EEF2K: variants seen among roughly 807,000 people sequenced by gnomAD.
The protein encoded by EEF2K is alternative protein EEF2K.
In EEF2K, 70 loss-of-function variants were observed where a neutral mutation model predicts 93.8. The observed-to-expected ratio is 0.75, with a 90% CI of 0.62 to 0.91. EEF2K has a LOEUF of 0.91. Among genes scored for constraint, EEF2K ranks in the 40% least tolerant of loss-of-function variants. EEF2K has a pLI of 0.00. For synonymous variants in EEF2K, 376 were observed against 380.8 expected (o/e 0.99, Z 0.15); for missense variants, 935 against 972.9 (o/e 0.96, Z 0.52).
At chr16:22,274,171 G>C (rs1334383555) in intron 16 of EEF2K, among the ~76,000 whole-genome samples, 1 of 152,100 alleles carries the variant, frequency 6.6e-6, no homozygotes, top group Non-Finnish European at 1.5e-5. Flanking sequence ...GGCCGGGCAT[G>C]GTGGCTCACG....
At chr16:22,245,854 G>T (rs764686442) in intron 3 of EEF2K, among the ~76,000 whole-genome samples, 4 of 152,026 alleles carry the variant, frequency 2.6e-5, no homozygotes, top group Non-Finnish European at 4.4e-5. Flanking sequence ...AATGTGTGGC[G>T]GTTTCTCCCC....
At chr16:22,227,240 AT>A (rs1217409624) in intron 2 of EEF2K, among the ~76,000 whole-genome samples, 1 of 152,152 alleles carries the variant, frequency 6.6e-6, no homozygotes, top group Admixed American at 6.5e-5. Flanking sequence ...TATTCATTTT[AT>A]TTTTTTGTAT....
At chr16:22,275,743 T>C (rs2047628250) in intron 16 of EEF2K, among the ~76,000 whole-genome samples, 1 of 151,568 alleles carries the variant, frequency 6.6e-6, no homozygotes, top group African/African-American at 2.4e-5. Context: ...CAGGTTCAAG[T>C]GATTCTCCTG....
rs200908306 is a variant in EEF2K at position 22,266,684 on chromosome 16, G to A, written c.1576-4G>A. 3.7e-6 allele frequency: 6 copies of A among 1,605,476 alleles called. No homozygotes were observed. On this transcript the variant is annotated splice_polypyrimidine_tract_variant and splice_region_variant and intron_variant, in intron 14 of 17. Transcript: ENST00000263026. Reference sequence around the variant, plus strand: ...CCAGGCCGACACCGTAGTCTGTGTGGCAGGTCCATCTGGCCATGGTGCGCT... The same window carrying A: ...CCAGGCCGACACCGTAGTCTGTGTGACAGGTCCATCTGGCCATGGTGCGCT...
chr16:22,274,600 C>T (rs1238934385), intron 16 of EEF2K, among the ~76,000 whole-genome samples: 1 of 152,004 alleles, frequency 6.6e-6, no homozygotes, highest in African/African-American at 2.4e-5. Context: ...TTTTAATTGA[C>T]TTTTCCTACT....
chr16:22,256,487 A>G (rs2141673296), intron 6 of EEF2K, among the ~76,000 whole-genome samples: 1 of 152,230 alleles, frequency 6.6e-6, no homozygotes, highest in South Asian at 2.1e-4. Context: ...CACCTGCCTC[A>G]GCCTCCCAAA....
intron 16 of EEF2K, 136 bp from the exon 17 acceptor site, chr16:22,280,062 T>G: frequency 1.3e-6 from 1 of 756,810 alleles, no homozygotes; most frequent in Non-Finnish European, 1.9e-6. Context: ...TGTATTGGCC[T>G]TGGACAAGAT....
chr16:22,209,565 A>T (rs1457299407), intron 1 of EEF2K, among the ~76,000 whole-genome samples: 3 of 152,250 alleles, frequency 2.0e-5, no homozygotes, highest in Non-Finnish European at 4.4e-5. Context: ...AGACAAAGTA[A>T]TAGCGGCAGG....
chr16:22,250,562 G>A, intron 4 of EEF2K, 92 bp from the exon 5 acceptor site: 1 of 1,503,352 alleles, frequency 6.7e-7, no homozygotes, highest in South Asian at 1.1e-5. Flanking sequence ...GCACCCATTT[G>A]ATAGGTGGCA....
At chr16:22,238,071 C>T (rs1311953080) in intron 2 of EEF2K, among the ~76,000 whole-genome samples, 1 of 152,172 alleles carries the variant, frequency 6.6e-6, no homozygotes, top group Non-Finnish European at 1.5e-5. Flanking sequence ...GAGTGGATCA[C>T]CTGAGGCCAG....
At position 22,266,706 on chromosome 16, in the gene EEF2K, CGCTA is replaced by C; in HGVS notation, c.1595_1598del (p.Arg532ProfsTer50). On this transcript the variant is annotated frameshift_variant, in exon 15 of 18. Coordinates refer to ENST00000263026, the MANE Select transcript of EEF2K (RefSeq NM_013302.5). LOFTEE classifies it high-confidence loss of function. ...GTGGCAGGTCCATCTGGCCATGGTG[CGCTA>C]CCACGAGGGTGGGCGCTTCTGCGAG... 8 of 1,610,632 alleles carry C rather than the reference CGCTA, an allele frequency of 5.0e-6. No homozygotes were observed. Among genetic ancestry groups the C allele is most frequent in the Non-Finnish European group, 5.1e-6 (6 of 1,178,294 alleles).
At chr16:22,262,888 G>A (rs1350859214) in intron 11 of EEF2K, among the ~76,000 whole-genome samples, 1 of 152,156 alleles carries the variant, frequency 6.6e-6, no homozygotes, top group African/African-American at 2.4e-5. Flanking sequence ...CGTTGGCCAG[G>A]CAGGTCTTGA....
intron 16 of EEF2K, among the ~76,000 whole-genome samples, chr16:22,278,955 G>T (rs2047666785): frequency 6.6e-6 from 1 of 152,118 alleles, no homozygotes; most frequent in South Asian, 2.1e-4. Context: ...AAAATTCACA[G>T]CTGTCCCGCA....
At chr16:22,234,000 T>C (rs1203220521) in intron 2 of EEF2K, among the ~76,000 whole-genome samples, 1 of 152,176 alleles carries the variant, frequency 6.6e-6, no homozygotes, top group Non-Finnish European at 1.5e-5. Context: ...TTGTAGGGTA[T>C]GTAGGTTATT....
chr16:22,224,398 A>T (rs147561638), intron 1 of EEF2K, among the ~76,000 whole-genome samples: 1 of 152,284 alleles, frequency 6.6e-6, no homozygotes, highest in African/African-American at 2.4e-5. Context: ...TGGGAGGCCA[A>T]GGCAGGAGGA....
At chr16:22,247,463 C>A (rs923041356) in intron 3 of EEF2K, among the ~76,000 whole-genome samples, 2 of 146,364 alleles carry the variant, frequency 1.4e-5, no homozygotes, top group African/African-American at 5.0e-5. Context: ...AAAAAAAATT[C>A]TCTAACCTTA....
intron 10 of EEF2K, 137 bp downstream of exon 10, chr16:22,258,832 G>C: frequency 9.1e-7 from 1 of 1,101,536 alleles, no homozygotes; most frequent in Non-Finnish European, 1.3e-6. Context: ...TTATAGGTGA[G>C]TTTCATTGAG....
Position 22,258,543 on chromosome 16 carries a change from C to G in EEF2K, c.1079C>G (p.Pro360Arg), listed in dbSNP as rs1250716393. The part of the protein sequence containing the change: ...LRGTEEKCGS[P>R]QVRTLSGSRP... Reference sequence around the variant, plus strand: ...GGAACAGAGGAAAAATGTGGGAGCCCCCAAGTAAGGACCCTCTCTGGGAGC... The same window carrying G: ...GGAACAGAGGAAAAATGTGGGAGCCGCCAAGTAAGGACCCTCTCTGGGAGC... Residue 360 changes from proline to arginine, a missense_variant, in exon 10 of 18, where the codon CCC becomes CGC. Coordinates refer to ENST00000263026, the MANE Select transcript of EEF2K (RefSeq NM_013302.5). The G allele has an allele frequency of 1.9e-6, 3 of 1,613,992 alleles. No homozygotes were observed. The highest frequency in any genetic ancestry group is 1.7e-6 in the Non-Finnish European group (2 of 1,180,018).
Position 22,237,617 on chromosome 16 carries a change from CAAAAA to C in EEF2K, c.247-7006_247-7002del, listed in dbSNP as rs111738704. Among the ~76,000 whole-genome samples the C allele has an allele frequency of 1.0e-3, 149 of 145,106 alleles. 3 individuals carry two copies. The highest frequency in any genetic ancestry group is 0.01 in the Admixed American group (149 of 14,626). On this transcript the variant is annotated intron_variant, in intron 2 of 17. Coordinates refer to ENST00000263026, the MANE Select transcript of EEF2K (RefSeq NM_013302.5). ...TGCGCAACAGAGTGAAACCCTGTCT[CAAAAA>C]AAAAAAGAAAAGAAGAAAACTCGTC... is the stretch of plus-strand genomic sequence containing the variant.
Sources: gnomAD v4.1 joint callset for allele counts (sites outside exome capture counted in the v4.1 genomes callset) on GRCh38, gnomAD v4.1.1 for gene constraint, MANE v1.5 for transcripts, NCBI Gene and HGNC (gene_info 2026-07-23, HGNC 2026-07-21) for gene names.